Variants in SPMIP10 observed in about 807,000 individuals in gnomAD.
SPMIP10 encodes the protein sperm microtubule inner protein 10, also known as sperm-associated microtubule inner protein 10.
the SPMIP10 span, chr5:126,636,043 G>C: frequency 6.2e-7 from 1 of 1,613,348 alleles, no homozygotes; most frequent in Non-Finnish European, 8.5e-7. Flanking sequence ...AAGCAGAAGT[G>C]TGTGGGATCC....
the SPMIP10 span, among the ~76,000 whole-genome samples, chr5:126,635,836 A>T: frequency 2.2e-3 from 256 of 117,002 alleles, 1 homozygote; most frequent in African/African-American, 9.0e-3. Flanking sequence ...CTAATTTTTT[A>T]TTTTTTGTAT....
chr5:126,632,025 T>G, the SPMIP10 span, among the ~76,000 whole-genome samples: 2 of 152,108 alleles, frequency 1.3e-5, no homozygotes, highest in South Asian at 2.1e-4. Context: ...GTTTCTGTTT[T>G]TTGTGGCTGG....
At chr5:126,632,559 C>A in the SPMIP10 span, 2 of 1,598,202 alleles carry the variant, frequency 1.3e-6, no homozygotes, top group Non-Finnish European at 1.7e-6. Flanking sequence ...TGAAGAGATT[C>A]ATTTGCCACG....
the SPMIP10 span, chr5:126,632,741 A>G: frequency 3.9e-5 from 30 of 770,652 alleles, no homozygotes; most frequent in Non-Finnish European, 6.1e-5. Context: ...TAATCCTAGC[A>G]CTTTGGGAGA....
chr5:126,636,269 T>G, the SPMIP10 span: 2 of 1,553,662 alleles, frequency 1.3e-6, no homozygotes, highest in African/African-American at 2.7e-5. Flanking sequence ...AATAAAGTGT[T>G]TCAATCTCTG....
At chr5:126,632,479 G>C in the SPMIP10 span, 1 of 904,700 alleles carries the variant, frequency 1.1e-6, no homozygotes, top group Non-Finnish European at 1.8e-6. Flanking sequence ...TGCCTCCAGT[G>C]CCTGGAATGA....
At chr5:126,634,197 G>A in the SPMIP10 span, among the ~76,000 whole-genome samples, 6 of 152,038 alleles carry the variant, frequency 3.9e-5, no homozygotes, top group South Asian at 2.1e-4. Context: ...TTTGGGAGGC[G>A]GAGGCGGGCA....
At chr5:126,631,889 G>A in the SPMIP10 span, 1 of 941,134 alleles carries the variant, frequency 1.1e-6, no homozygotes, top group Non-Finnish European at 1.7e-6. Flanking sequence ...CAAAGATACG[G>A]TCAATAACTT....
the SPMIP10 span, among the ~76,000 whole-genome samples, chr5:126,633,008 C>CATATACATATATATATATATATATATAT: frequency 1.9e-4 from 24 of 125,312 alleles, no homozygotes; most frequent in South Asian, 1.4e-3. Flanking sequence ...ATAAATTTTA[C>CATATACATATATATATATATATATATAT]ATATATATAT....
chr5:126,632,399 C>A, the SPMIP10 span: 8 of 521,342 alleles, frequency 1.5e-5, no homozygotes, highest in Non-Finnish European at 2.1e-5. Context: ...AAATGGTTAT[C>A]TTTTAGCTGA....
chr5:126,636,015 ATT>A, the SPMIP10 span: 1 of 1,594,690 alleles, frequency 6.3e-7, no homozygotes, highest in South Asian at 1.1e-5. Flanking sequence ...TACACAGAAG[ATT>A]TTCTTTTCTC....
the SPMIP10 span, chr5:126,636,243 G>C: frequency 6.2e-7 from 1 of 1,607,458 alleles, no homozygotes; most frequent in Non-Finnish European, 8.5e-7. Context: ...CTAGTCTAAT[G>C]AAAGAAGAAT....
chr5:126,635,906 C>T, the SPMIP10 span: 1 of 765,620 alleles, frequency 1.3e-6, no homozygotes, highest in Admixed American at 2.3e-5. Context: ...AAGCAATCTT[C>T]CTGTCTTGGC....
chr5:126,632,050 T>C, the SPMIP10 span, among the ~76,000 whole-genome samples: 1 of 152,024 alleles, frequency 6.6e-6, no homozygotes, highest in East Asian at 1.9e-4. Context: ...ACATTTCCTT[T>C]AGGCAGTCGG....
the SPMIP10 span, among the ~76,000 whole-genome samples, chr5:126,631,983 G>A: frequency 6.6e-6 from 1 of 152,084 alleles, no homozygotes; most frequent in Non-Finnish European, 1.5e-5. Flanking sequence ...TGACCTGAGT[G>A]TAGAGCATAC....
chr5:126,632,793 G>C, the SPMIP10 span: 1 of 561,934 alleles, frequency 1.8e-6, no homozygotes. Flanking sequence ...TTCGAGACCA[G>C]CCTAGCCAAC....
the SPMIP10 span, among the ~76,000 whole-genome samples, chr5:126,634,822 T>C: frequency 6.6e-6 from 1 of 152,142 alleles, no homozygotes; most frequent in African/African-American, 2.4e-5. Context: ...CTTCCTTTTA[T>C]TTATCCTCAC....
At chr5:126,634,222 A>G in the SPMIP10 span, among the ~76,000 whole-genome samples, 1 of 152,164 alleles carries the variant, frequency 6.6e-6, no homozygotes, top group African/African-American at 2.4e-5. Context: ...ACCTGAGTTC[A>G]GGAGTTCAAG....
chr5:126,635,837 T>G, the SPMIP10 span, among the ~76,000 whole-genome samples: 1 of 117,214 alleles, frequency 8.5e-6, no homozygotes, highest in Non-Finnish European at 1.8e-5. Flanking sequence ...TAATTTTTTA[T>G]TTTTTGTATA....
Sources: allele counts gnomAD v4.1 joint callset (sites outside exome capture counted in the v4.1 genomes callset), GRCh38; gene constraint gnomAD v4.1.1; transcripts MANE v1.5; gene names NCBI Gene and HGNC (gene_info 2026-07-23, HGNC 2026-07-21).